The following DOK6 variants were observed in gnomAD, a reference collection of about 807,000 sequenced individuals.
DOK6 encodes docking protein 6.
In DOK6, 22 loss-of-function variants were observed where a neutral mutation model predicts 44.0. The observed-to-expected ratio is 0.50, with a 90% CI of 0.36 to 0.71. The LOEUF (loss-of-function observed/expected upper bound fraction) is 0.71. Ranked by LOEUF, DOK6 falls within the 30% of genes least tolerant of loss-of-function variation. The pLI is 0.00. For missense variants in DOK6, 340 were observed against 416.4 expected (o/e 0.82, Z 1.60); for synonymous variants, 166 against 145.5 (o/e 1.14, Z -1.01).
chr18:69,588,068 T>G (rs1287589530), intron 2 of DOK6, among the ~76,000 whole-genome samples: 1 of 152,228 alleles, frequency 6.6e-6, no homozygotes, highest in African/African-American at 2.4e-5. Flanking sequence ...GAATAATGGC[T>G]ATTGCATGAA....
At chr18:69,553,068 G>A (rs1345706601) in intron 1 of DOK6, among the ~76,000 whole-genome samples, 4 of 152,160 alleles carry the variant, frequency 2.6e-5, no homozygotes, top group Non-Finnish European at 4.4e-5. Flanking sequence ...AAACCATAAT[G>A]TTTTAAGATT....
At chr18:69,828,662 A>G (rs1372465325) in intron 7 of DOK6, among the ~76,000 whole-genome samples, 4 of 151,308 alleles carry the variant, frequency 2.6e-5, no homozygotes, top group Non-Finnish European at 4.4e-5. Flanking sequence ...TATATTCACT[A>G]TATTTTAGTG....
intron 1 of DOK6, among the ~76,000 whole-genome samples, chr18:69,470,977 C>T (rs951444806): frequency 1.4e-4 from 21 of 151,958 alleles, no homozygotes; most frequent in Non-Finnish European, 2.5e-4. Context: ...TAGCCGGGCA[C>T]GGTGGCTTGT....
intron 3 of DOK6, among the ~76,000 whole-genome samples, chr18:69,639,292 C>T (rs533982338): frequency 6.6e-6 from 1 of 152,326 alleles, no homozygotes; most frequent in Admixed American, 6.5e-5. Flanking sequence ...GTCCTCCCAT[C>T]CTCTGCTCTC....
intron 2 of DOK6, among the ~76,000 whole-genome samples, chr18:69,576,862 T>A (rs1983250613): frequency 6.6e-6 from 1 of 152,156 alleles, no homozygotes; most frequent in African/African-American, 2.4e-5. Flanking sequence ...TCTAAGCAGA[T>A]GAAAAAGTAG....
At chr18:69,496,993 A>T (rs867021257) in intron 1 of DOK6, among the ~76,000 whole-genome samples, 1 of 152,210 alleles carries the variant, frequency 6.6e-6, no homozygotes, top group Admixed American at 6.5e-5. Flanking sequence ...AGAATGTACT[A>T]GGCATTGTTC....
chr18:69,617,592 GA>G, intron 3 of DOK6, among the ~76,000 whole-genome samples: 1 of 144,568 alleles, frequency 6.9e-6, no homozygotes, highest in South Asian at 2.2e-4. Flanking sequence ...GAGAGAGACA[GA>G]AAAGACTGAG....
chr18:69,531,966 G>A (rs1981998265), intron 1 of DOK6, among the ~76,000 whole-genome samples: 1 of 152,046 alleles, frequency 6.6e-6, no homozygotes, highest in Non-Finnish European at 1.5e-5. Context: ...CACGAGGGTG[G>A]GGCCTCCATG....
intron 1 of DOK6, among the ~76,000 whole-genome samples, chr18:69,527,949 G>A (rs181772801): frequency 2.6e-5 from 4 of 152,188 alleles, no homozygotes; most frequent in Non-Finnish European, 1.5e-5. Context: ...GGATCACGAG[G>A]TCAGGAGATC....
chr18:69,401,169 G>T lies in DOK6; in HGVS notation c.-76G>T, dbSNP rs1323984866. 11 of 1,446,744 alleles carry T rather than the reference G, an allele frequency of 7.6e-6. No individual in the cohort carries two copies. The highest frequency in any genetic ancestry group is 1.5e-5 in the African/African-American group (1 of 67,474). 89.6% of individuals were successfully genotyped at this position (1,446,744 alleles called of 1,614,324 possible). A position where few individuals can be genotyped will look rare whatever the true frequency, so the allele number is the denominator to read the frequency against. On this transcript the variant is annotated 5_prime_UTR_variant, in exon 1 of 8. Transcript: ENST00000382713. ...GCGGCCGGCTGGATGCGAGACCCGC[G>T]CAGACCCGGCGGCGGACGGCGGCTC... is the stretch of plus-strand genomic sequence containing the variant.
At chr18:69,517,962 A>G (rs1981578500) in intron 1 of DOK6, among the ~76,000 whole-genome samples, 1 of 151,920 alleles carries the variant, frequency 6.6e-6, no homozygotes, top group Non-Finnish European at 1.5e-5. Flanking sequence ...CCCCTAGCCA[A>G]ATTACATCTT....
chr18:69,774,001 G>C (rs1249437237), intron 7 of DOK6, among the ~76,000 whole-genome samples: 1 of 149,196 alleles, frequency 6.7e-6, no homozygotes, highest in East Asian at 2.0e-4. Context: ...ATTGAATGTG[G>C]AACTAACACA....
At chr18:69,470,376 G>T (rs1415676512) in intron 1 of DOK6, among the ~76,000 whole-genome samples, 1 of 152,180 alleles carries the variant, frequency 6.6e-6, no homozygotes, top group African/African-American at 2.4e-5. Flanking sequence ...AGACCCCTTT[G>T]CAGGACTTGC....
chr18:69,837,222 C>T (rs1226177764), intron 7 of DOK6, among the ~76,000 whole-genome samples: 2 of 151,992 alleles, frequency 1.3e-5, no homozygotes. Context: ...GTTCTGGAGA[C>T]CGGGAAGTCC....
chr18:69,727,866 A>C (rs1978318329), intron 5 of DOK6, among the ~76,000 whole-genome samples: 2 of 152,198 alleles, frequency 1.3e-5, no homozygotes, highest in Non-Finnish European at 2.9e-5. Flanking sequence ...CCCCTTTCAA[A>C]TGACTCACCT....
chr18:69,613,785 G>C (rs1330338255), intron 3 of DOK6, among the ~76,000 whole-genome samples: 1 of 151,742 alleles, frequency 6.6e-6, no homozygotes, highest in Non-Finnish European at 1.5e-5. Flanking sequence ...ATTACATGAA[G>C]CATTGAATGT....
rs1277514653 is a variant in DOK6, at chr18:69,842,546, G to A, written c.*1163G>A. On this transcript the variant is annotated 3_prime_UTR_variant, in exon 8 of 8. Coordinates refer to ENST00000382713, the MANE Select transcript of DOK6 (RefSeq NM_152721.6). ...ATGCTGTTCTCACACAACCACTGGG[G>A]GCTTGTAATTTACTGTGTAACCAGA... is the stretch of plus-strand genomic sequence containing the variant. 1.3e-5 allele frequency: 2 copies of A among 152,136 alleles called. No individual in the cohort carries two copies. The highest frequency in any genetic ancestry group is 4.8e-5 in the African/African-American group (2 of 41,412). 9.4% of individuals were successfully genotyped at this position (152,136 alleles called of 1,614,324 possible). A position where few individuals can be genotyped will look rare whatever the true frequency, so the allele number is the denominator to read the frequency against.
chr18:69,663,833 G>A (rs959018789), intron 3 of DOK6, among the ~76,000 whole-genome samples: 1 of 152,218 alleles, frequency 6.6e-6, no homozygotes, highest in Non-Finnish European at 1.5e-5. Context: ...TGGAATGTGC[G>A]GCTATTTAGT....
At chr18:69,744,304 C>T (rs546355685) in intron 6 of DOK6, among the ~76,000 whole-genome samples, 788 of 69,224 alleles carry the variant, frequency 0.011, 4 homozygotes, top group African/African-American at 0.026. Context: ...AGCAGGACTC[C>T]GTATCAAAAA....
Sources: allele counts gnomAD v4.1 joint callset (sites outside exome capture counted in the v4.1 genomes callset), GRCh38; gene constraint gnomAD v4.1.1; transcripts MANE v1.5; gene names NCBI Gene and HGNC (gene_info 2026-07-23, HGNC 2026-07-21).